NKAIN3: variants seen among roughly 807,000 people sequenced by gnomAD.
The protein encoded by NKAIN3 is sodium/potassium-transporting ATPase subunit beta-1-interacting protein 3.
A neutral mutation model predicts 30.2 loss-of-function variants in NKAIN3; 25 were observed. The ratio of observed to expected loss-of-function variants is 0.83; its 90% CI spans 0.60 to 1.16. The LOEUF is 1.16. NKAIN3 is among the 50% of genes most tolerant of loss of function. The pLI is 0.00. For synonymous variants in NKAIN3, 91 were observed against 89.6 expected, an observed-to-expected ratio of 1.02 and a Z score of -0.09; for missense variants, 225 against 254.1, an observed-to-expected ratio of 0.89 and a Z score of 0.78.
At chr8:62,739,287 T>C (rs1181545032) in intron 3 of NKAIN3, among the ~76,000 whole-genome samples, 1 of 152,046 alleles carries the variant, frequency 6.6e-6, no homozygotes, top group Non-Finnish European at 1.5e-5. Context: ...AATATATATA[T>C]ACACAAATTA....
chr8:62,416,629 T>A (rs948850527), intron 1 of NKAIN3, among the ~76,000 whole-genome samples: 2 of 152,186 alleles, frequency 1.3e-5, no homozygotes, highest in Non-Finnish European at 2.9e-5. Context: ...GAGATATCCA[T>A]CCCCTCAAGT....
chr8:62,640,781 C>T (rs1812283832), intron 3 of NKAIN3, among the ~76,000 whole-genome samples: 2 of 152,082 alleles, frequency 1.3e-5, no homozygotes, highest in African/African-American at 4.8e-5. Flanking sequence ...CTAAATTCTC[C>T]ATCTACTCAA....
intron 1 of NKAIN3, among the ~76,000 whole-genome samples, chr8:62,495,249 A>G (rs1392108266): frequency 1.3e-5 from 2 of 152,140 alleles, no homozygotes; most frequent in African/African-American, 4.8e-5. Flanking sequence ...TTAAAAATAG[A>G]TTTAAATGAG....
At chr8:62,933,701 C>T (rs1822691342) in intron 5 of NKAIN3, among the ~76,000 whole-genome samples, 1 of 152,040 alleles carries the variant, frequency 6.6e-6, no homozygotes, top group Non-Finnish European at 1.5e-5. Context: ...CATCTAATTC[C>T]AAAGATCTGG....
chr8:62,387,685 T>G (rs1391896854), intron 1 of NKAIN3, among the ~76,000 whole-genome samples: 1 of 152,206 alleles, frequency 6.6e-6, no homozygotes, highest in African/African-American at 2.4e-5. Context: ...GGTACATATT[T>G]TGGTGATGCC....
chr8:62,495,707 TATCTC>T (rs1301735456), intron 1 of NKAIN3, among the ~76,000 whole-genome samples: 1 of 152,138 alleles, frequency 6.6e-6, no homozygotes, highest in African/African-American at 2.4e-5. Flanking sequence ...TTTACTGACT[TATCTC>T]AGTCTGTGCT....
intron 1 of NKAIN3, among the ~76,000 whole-genome samples, chr8:62,350,026 A>T (rs1816131795): frequency 6.6e-6 from 1 of 152,216 alleles, no homozygotes. Flanking sequence ...AGCTGATGGG[A>T]ATGTAAAATG....
intron 4 of NKAIN3, chr8:62,863,739 A>G (rs1410391365): frequency 6.3e-7 from 1 of 1,594,626 alleles, no homozygotes; most frequent in Admixed American, 1.7e-5. Context: ...ATTGCAACAA[A>G]TCTTTTCCCC....
intron 1 of NKAIN3, among the ~76,000 whole-genome samples, chr8:62,494,044 C>T (rs189586571): frequency 1.6e-4 from 25 of 152,098 alleles, no homozygotes; most frequent in Admixed American, 5.9e-4. Flanking sequence ...GCTCTGGCCA[C>T]GACTTCCAAT....
At chr8:62,650,465 T>C (rs901429735) in intron 3 of NKAIN3, among the ~76,000 whole-genome samples, 13 of 152,186 alleles carry the variant, frequency 8.5e-5, no homozygotes, top group African/African-American at 3.1e-4. Context: ...GAGAATTTAA[T>C]TTATGTTTTC....
At chr8:62,395,685 A>G (rs1055210321) in intron 1 of NKAIN3, among the ~76,000 whole-genome samples, 2 of 152,176 alleles carry the variant, frequency 1.3e-5, no homozygotes, top group African/African-American at 4.8e-5. Flanking sequence ...ATATATCCTG[A>G]TATCTATCTT....
intron 1 of NKAIN3, among the ~76,000 whole-genome samples, chr8:62,433,349 A>G (rs578154633): frequency 6.6e-6 from 1 of 152,262 alleles, no homozygotes; most frequent in South Asian, 2.1e-4. Context: ...AAGAAAGGAA[A>G]AAAACGAAAA....
At chr8:62,296,868 T>A (rs1355311564) in intron 1 of NKAIN3, among the ~76,000 whole-genome samples, 1 of 152,128 alleles carries the variant, frequency 6.6e-6, no homozygotes, top group Admixed American at 6.6e-5. Flanking sequence ...CTCCTCCCTC[T>A]CATGCTTCTC....
At chr8:62,294,685 G>T (rs1172896934) in intron 1 of NKAIN3, among the ~76,000 whole-genome samples, 1 of 150,324 alleles carries the variant, frequency 6.7e-6, no homozygotes, top group Non-Finnish European at 1.5e-5. Flanking sequence ...CCACAAGCAC[G>T]TGTCACCATG....
At chr8:62,815,400 T>A (rs1206147216) in intron 4 of NKAIN3, among the ~76,000 whole-genome samples, 3 of 152,130 alleles carry the variant, frequency 2.0e-5, no homozygotes, top group Admixed American at 6.6e-5. Context: ...CACCAAAGCC[T>A]GGCAGAGACA....
At chr8:62,444,368 C>T (rs564546038) in intron 1 of NKAIN3, among the ~76,000 whole-genome samples, 1 of 152,106 alleles carries the variant, frequency 6.6e-6, no homozygotes, top group East Asian at 1.9e-4. Flanking sequence ...TGTATTTGTA[C>T]CCACTAATCA....
intron 1 of NKAIN3, among the ~76,000 whole-genome samples, chr8:62,466,979 T>C (rs59628792): frequency 0.15 from 22,195 of 152,148 alleles, 1,834 homozygotes; most frequent in East Asian, 0.38. Flanking sequence ...TATCTTTCCA[T>C]TGGGCTTAAA....
intron 3 of NKAIN3, among the ~76,000 whole-genome samples, chr8:62,597,426 T>G (rs1480193): frequency 0.45 from 68,861 of 151,890 alleles, 17,716 homozygotes; most frequent in Non-Finnish European, 0.58. Flanking sequence ...ATTTTTTTAT[T>G]TCTTCAAAGT....
intron 3 of NKAIN3, among the ~76,000 whole-genome samples, chr8:62,684,946 GAAGAT>G (rs1813751211): frequency 2.6e-5 from 4 of 152,278 alleles, no homozygotes; most frequent in Admixed American, 2.6e-4. Flanking sequence ...AAAATAGTGA[GAAGAT>G]AAGTTTCTGT....
Sources: gnomAD v4.1 joint callset for allele counts (sites outside exome capture counted in the v4.1 genomes callset) on GRCh38, gnomAD v4.1.1 for gene constraint, MANE v1.5 for transcripts, NCBI Gene and HGNC (gene_info 2026-07-23, HGNC 2026-07-21) for gene names.